Variants in UGT1A5 observed in about 807,000 individuals in gnomAD.
UGT1A5 encodes UDP-glucuronosyltransferase 1A5.
UGT1A5 carries 29 observed loss-of-function variants against 40.3 expected under a neutral mutation model. The ratio of observed to expected loss-of-function variants is 0.72; its 90% CI spans 0.54 to 0.98. The LOEUF is 0.98. Ranked by LOEUF, UGT1A5 falls within the 50% of genes least tolerant of loss-of-function variation. The pLI is 0.00. For missense variants in UGT1A5, 678 were observed against 677.9 expected (o/e 1.00, Z 0.00); for synonymous variants, 257 against 262.5 (o/e 0.98, Z 0.20).
Position 233,769,801 on chromosome 2 carries a change from G to A in UGT1A5, c.1307+1362G>A, listed in dbSNP as rs1699941339. 2 of 1,172,742 alleles carry A rather than the reference G, an allele frequency of 1.7e-6. No individual in the cohort carries two copies. The highest frequency in any genetic ancestry group is 1.6e-5 in the African/African-American group (1 of 64,090). 72.6% of individuals were successfully genotyped at this position (1,172,742 alleles called of 1,614,324 possible). ...GCCCAGAAGTTGGAGGCTGCTATGA[G>A]CCGTGATCATGCCACTGCACTCCAG... On this transcript the variant is annotated intron_variant, in intron 4 of 4. Coordinates refer to ENST00000373414, the MANE Select transcript of UGT1A5 (RefSeq NM_019078.2). This position sits in a 1 kb window ranked among gnomAD's most constrained non-coding sequence, Gnocchi z 4.4.
chr2:233,754,587 G>A (rs1339334824), intron 1 of UGT1A5: 1 of 428,154 alleles, frequency 2.3e-6, no homozygotes, highest in Non-Finnish European at 4.7e-6. Flanking sequence ...CGTTTATTAT[G>A]AAGGACTTTA....
chr2:233,738,397 G>A (rs1161112118), intron 1 of UGT1A5, among the ~76,000 whole-genome samples: 2 of 152,236 alleles, frequency 1.3e-5, no homozygotes, highest in Non-Finnish European at 2.9e-5. Context: ...AAGTGACTTG[G>A]AACTGGGTAA....
chr2:233,759,735 A>G (rs1426005691), intron 1 of UGT1A5, among the ~76,000 whole-genome samples: 1 of 152,016 alleles, frequency 6.6e-6, no homozygotes, highest in Non-Finnish European at 1.5e-5. Flanking sequence ...CTGCAGCCTC[A>G]AGACCCCACA....
chr2:233,760,923 C>G, intron 1 of UGT1A5: 1 of 1,614,214 alleles, frequency 6.2e-7, no homozygotes, highest in Non-Finnish European at 8.5e-7. Flanking sequence ...GGGTGAAGAA[C>G]ATGCTCATTG....
chr2:233,759,815 C>T (rs1383098545), intron 1 of UGT1A5, among the ~76,000 whole-genome samples: 3 of 152,074 alleles, frequency 2.0e-5, no homozygotes, highest in Non-Finnish European at 4.4e-5. Flanking sequence ...CAGGCAGTAC[C>T]GGGGGAGCTG....
chr2:233,753,848 G>C (rs1695327702), intron 1 of UGT1A5, among the ~76,000 whole-genome samples: 1 of 152,148 alleles, frequency 6.6e-6, no homozygotes, highest in African/African-American at 2.4e-5. Context: ...GTATATCATT[G>C]ACCAACCACA....
chr2:233,750,438 G>A (rs1694457559), intron 1 of UGT1A5, among the ~76,000 whole-genome samples: 1 of 151,952 alleles, frequency 6.6e-6, no homozygotes, highest in South Asian at 2.1e-4. Flanking sequence ...ATTTTATGGG[G>A]AGAAATTCAA....
intron 1 of UGT1A5, chr2:233,747,653 T>C: frequency 6.3e-7 from 1 of 1,590,314 alleles, no homozygotes; most frequent in Non-Finnish European, 8.6e-7. Context: ...CTTCCTTCGA[T>C]GTGGTTTTAA....
chr2:233,771,796 C>A (rs373628815), intron 4 of UGT1A5, among the ~76,000 whole-genome samples: 1 of 151,712 alleles, frequency 6.6e-6, no homozygotes, highest in Non-Finnish European at 1.5e-5. Flanking sequence ...CCCTCCCTCC[C>A]TCCCTCCCTT....
At chr2:233,748,119 A>G (rs1693871947) in intron 1 of UGT1A5, 2 of 1,611,514 alleles carry the variant, frequency 1.2e-6, no homozygotes, top group Admixed American at 1.7e-5. Flanking sequence ...GTTCCAGGCA[A>G]AACAGTTTTT....
At chr2:233,718,728 G>C in intron 1 of UGT1A5, 1 of 1,610,998 alleles carries the variant, frequency 6.2e-7, no homozygotes, top group Non-Finnish European at 8.5e-7. Flanking sequence ...TGATTTGCTA[G>C]GTGGCTCAAT....
Position 233,772,846 on chromosome 2 carries a change from T to G in UGT1A5, c.*287T>G. On this transcript the variant is annotated 3_prime_UTR_variant, in exon 5 of 5. Transcript: ENST00000373414. Reference sequence around the variant, plus strand: ...AGGCTGGCATTCTAGATTACTTTTCTTACTCTGAAACATGGCCTGTTTGGG... The same window carrying G: ...AGGCTGGCATTCTAGATTACTTTTCGTACTCTGAAACATGGCCTGTTTGGG... 1 of 808,400 alleles carries G rather than the reference T, an allele frequency of 1.2e-6. No homozygotes were observed. Among genetic ancestry groups the G allele is most frequent in the Non-Finnish European group, 1.8e-6 (1 of 570,574 alleles). The allele number at this position is 808,400 out of a possible 1,614,324, so 50.1% of individuals were successfully genotyped here.
chr2:233,754,991 G>C (rs1247616121), intron 1 of UGT1A5: 1 of 1,294,814 alleles, frequency 7.7e-7, no homozygotes, highest in African/African-American at 1.5e-5. Context: ...CGGGGTCACG[G>C]AAGCTGAAGA....
At chr2:233,719,027 C>T in intron 1 of UGT1A5, 1 of 1,614,228 alleles carries the variant, frequency 6.2e-7, no homozygotes, top group Non-Finnish European at 8.5e-7. Flanking sequence ...ATATGCACAT[C>T]AAAGAAGAGA....
intron 1 of UGT1A5, chr2:233,717,942 G>C (rs1357400143): frequency 2.2e-6 from 1 of 453,616 alleles, no homozygotes; most frequent in Non-Finnish European, 4.4e-6. Flanking sequence ...TCTCTATGCA[G>C]ACTTGCAGAA....
At chr2:233,717,540 G>T (rs1338112101) in intron 1 of UGT1A5, among the ~76,000 whole-genome samples, 1 of 152,252 alleles carries the variant, frequency 6.6e-6, no homozygotes, top group African/African-American at 2.4e-5. Context: ...GGAAGCCTCA[G>T]CCTCACCAGC....
At position 233,767,866 on chromosome 2, in the gene UGT1A5, T is replaced by G. The variant is rs772563329; in HGVS notation, c.1017T>G (p.Thr339=). Reference sequence around the variant, plus strand: ...CCTCCCAGGTCCTGTGGCGGTACACTGGAACCCGACCATCGAATCTTGCGA... The same window carrying G: ...CCTCCCAGGTCCTGTGGCGGTACACGGGAACCCGACCATCGAATCTTGCGA... ...KIPQTVLWRY[T]GTRPSNLANN... The change falls in exon 3 of 5, where the codon ACT becomes ACG. Residue 339 remains threonine (T), a synonymous_variant. Coordinates refer to ENST00000373414, the MANE Select transcript of UGT1A5 (RefSeq NM_019078.2). The G allele has an allele frequency of 3.1e-6, 5 of 1,614,214 alleles. No individual in the cohort carries two copies. The highest frequency in any genetic ancestry group is 4.2e-6 in the Non-Finnish European group (5 of 1,180,038).
At chr2:233,724,484 G>T (rs1426827388) in intron 1 of UGT1A5, among the ~76,000 whole-genome samples, 3 of 77,008 alleles carry the variant, frequency 3.9e-5, no homozygotes, top group Admixed American at 1.3e-4. Flanking sequence ...CTTCTCAGAC[G>T]GGGCGGCCGG....
intron 1 of UGT1A5, chr2:233,754,798 C>T (rs781516183): frequency 6.4e-6 from 8 of 1,247,628 alleles, no homozygotes; most frequent in African/African-American, 6.1e-5. Context: ...AATCCTGTAT[C>T]AAAAGAAGAA....
Sources: allele counts gnomAD v4.1 joint callset (sites outside exome capture counted in the v4.1 genomes callset), GRCh38; gene constraint gnomAD v4.1.1; non-coding constraint Gnocchi (gnomAD v3.1); transcripts MANE v1.5; gene names NCBI Gene and HGNC (gene_info 2026-07-23, HGNC 2026-07-21).